Variants in DOCK3 observed in about 807,000 individuals in gnomAD.
DOCK3 encodes the protein dedicator of cytokinesis 3.
In DOCK3, 60 loss-of-function variants were observed where a neutral mutation model predicts 265.6. That is an observed-to-expected ratio of 0.23 (90% confidence interval 0.18 to 0.28). DOCK3 has a LOEUF of 0.28. Among genes scored for constraint, DOCK3 ranks in the 10% least tolerant of loss-of-function variants. The pLI is 1.00. For missense variants in DOCK3, 1,981 were observed against 2,594.3 expected, an observed-to-expected ratio of 0.76 and a Z score of 5.14; for synonymous variants, 881 against 938.0, an observed-to-expected ratio of 0.94 and a Z score of 1.11.
At position 51,218,547 on chromosome 3, in the gene DOCK3, T is replaced by A. The variant is rs567408486; in HGVS notation, c.1252+4300T>A. Among the ~76,000 whole-genome samples the A allele has an allele frequency of 4.6e-5, 7 of 152,306 alleles. No homozygotes were observed. The South Asian group carries it at 1.4e-3, about 32-fold the overall frequency. On this transcript the variant is annotated intron_variant, in intron 14 of 52. Transcript: ENST00000266037. The stretch of plus-strand genomic sequence containing the variant: ...CTACCACTTGCCATGGCTCTCTTTC[T>A]TTGCTTTCCTGGAAAGTCTGTACCC...
intron 5 of DOCK3, among the ~76,000 whole-genome samples, chr3:50,944,041 A>G (rs1393990956): frequency 6.6e-6 from 1 of 152,194 alleles, no homozygotes; most frequent in Non-Finnish European, 1.5e-5. Context: ...GATATGCATA[A>G]TTGATCTCTA....
intron 12 of DOCK3, among the ~76,000 whole-genome samples, chr3:51,161,066 A>T (rs1465988312): frequency 7.2e-6 from 1 of 139,216 alleles, no homozygotes; most frequent in East Asian, 2.1e-4. Flanking sequence ...ACAGAGCGAC[A>T]CTCCGTTTCA....
chr3:50,971,823 C>T (rs1035591165), intron 5 of DOCK3, among the ~76,000 whole-genome samples: 4 of 152,160 alleles, frequency 2.6e-5, no homozygotes, highest in Non-Finnish European at 4.4e-5. Flanking sequence ...ATCTGAACCC[C>T]CATGCTTACT....
chr3:51,018,234 C>T (rs2079435246), intron 5 of DOCK3, among the ~76,000 whole-genome samples: 1 of 151,700 alleles, frequency 6.6e-6, no homozygotes, highest in African/African-American at 2.4e-5. Context: ...TTTTGTCAGC[C>T]TTTTTCATTT....
At chr3:51,104,735 C>A (rs1416265265) in intron 9 of DOCK3, among the ~76,000 whole-genome samples, 1 of 152,126 alleles carries the variant, frequency 6.6e-6, no homozygotes, top group Non-Finnish European at 1.5e-5. Context: ...AAGAGTTGCT[C>A]AGGGTATTGT....
Position 51,338,413 on chromosome 3 carries a change from C to T in DOCK3, c.3666C>T (p.Asn1222=), listed in dbSNP as rs771371248. The change falls in exon 36 of 53, where the codon AAC becomes AAT. Residue 1222 remains asparagine, a synonymous_variant. Transcript: ENST00000266037. The part of the protein sequence containing the change: ...TENKKIGCTV[N]LMNFYKSEIN... ...ATAAGAAGATAGGCTGCACTGTTAA[C>T]CTGATGGTGAGAGGACATGGGCCCT... 1.3e-6 allele frequency: 2 copies of T among 1,551,856 alleles called. No individual in the cohort carries two copies. The highest frequency in any genetic ancestry group is 3.9e-5 in the Admixed American group (2 of 51,008).
intron 9 of DOCK3, among the ~76,000 whole-genome samples, chr3:51,107,982 T>C (rs193057377): frequency 1.2e-4 from 18 of 151,794 alleles, no homozygotes; most frequent in Middle Eastern, 3.4e-3. Flanking sequence ...AAACAAATAG[T>C]GGACCTCTCA....
chr3:50,906,738 T>C (rs990245934), intron 4 of DOCK3, among the ~76,000 whole-genome samples: 2 of 152,124 alleles, frequency 1.3e-5, no homozygotes, highest in African/African-American at 4.8e-5. Flanking sequence ...GAAGGGTTTT[T>C]TTGTATCTCT....
rs1409100010 is a variant in DOCK3, at chr3:51,382,654, C to A, written c.*1095C>A. 6.6e-6 allele frequency: 1 copy of A among 152,528 alleles called. No homozygotes were observed. The highest frequency in any genetic ancestry group is 1.5e-5 in the Non-Finnish European group (1 of 68,068). 9.4% of individuals were successfully genotyped at this position (152,528 alleles called of 1,614,324 possible). A position where few individuals can be genotyped will look rare whatever the true frequency, so the allele number is the denominator to read the frequency against. Reference sequence around the variant, plus strand: ...TAAAGAGGGTGGGAGGGGGCTTCTCCTTTTGGAAGCAGATAGCCATGCAGG... The same window carrying A: ...TAAAGAGGGTGGGAGGGGGCTTCTCATTTTGGAAGCAGATAGCCATGCAGG... On this transcript the variant is annotated 3_prime_UTR_variant, in exon 53 of 53. Transcript: ENST00000266037.
At chr3:51,337,549 A>G (rs963400280) in intron 35 of DOCK3, among the ~76,000 whole-genome samples, 3 of 152,182 alleles carry the variant, frequency 2.0e-5, no homozygotes, top group African/African-American at 4.8e-5. Flanking sequence ...GTGGGCTGCT[A>G]TGGAAGGAGA....
intron 22 of DOCK3, among the ~76,000 whole-genome samples, chr3:51,250,623 GAAAA>G: frequency 6.6e-6 from 1 of 152,144 alleles, no homozygotes; most frequent in Non-Finnish European, 1.5e-5. Context: ...CATCTCAAGA[GAAAA>G]CAAACAAACA....
chr3:50,880,248 A>G (rs2047951594), intron 3 of DOCK3, among the ~76,000 whole-genome samples: 1 of 152,222 alleles, frequency 6.6e-6, no homozygotes, highest in South Asian at 2.1e-4. Context: ...AAACACATTC[A>G]AAAGCTAGCA....
At chr3:51,213,223 A>G (rs997942132) in intron 13 of DOCK3, among the ~76,000 whole-genome samples, 5 of 152,114 alleles carry the variant, frequency 3.3e-5, no homozygotes, top group Admixed American at 6.6e-5. Flanking sequence ...TCCCAAGCTT[A>G]TAGACCAGTG....
chr3:50,882,766 G>T (rs2048114081), intron 3 of DOCK3, among the ~76,000 whole-genome samples: 1 of 152,168 alleles, frequency 6.6e-6, no homozygotes, highest in Non-Finnish European at 1.5e-5. Flanking sequence ...CCCATTACTG[G>T]ACATATACCC....
chr3:51,281,576 C>A (rs180824050), intron 27 of DOCK3, among the ~76,000 whole-genome samples: 33 of 152,012 alleles, frequency 2.2e-4, no homozygotes, highest in Non-Finnish European at 4.0e-4. Context: ...GATGTCAGGT[C>A]ACTTTTTTTT....
At position 51,110,604 on chromosome 3, in the gene DOCK3, G is replaced by A. The variant is rs575778477; in HGVS notation, c.746+20220G>A. On this transcript the variant is annotated intron_variant, in intron 9 of 52. Transcript: ENST00000266037. Reference sequence around the variant, plus strand: ...TAAAAACCCCATGATTATCTCAATAGATGCGGAAAAGGCTTTCAAAAAAAT... The same window carrying A: ...TAAAAACCCCATGATTATCTCAATAAATGCGGAAAAGGCTTTCAAAAAAAT... 4.6e-4 allele frequency among the ~76,000 whole-genome samples: 70 copies of A among 152,270 alleles called. 1 individual carries two copies. Among genetic ancestry groups the A allele is most frequent in the Non-Finnish European group, 7.2e-4 (49 of 68,028 alleles).
In DOCK3 at chr3:51,380,130, T is replaced by G; in HGVS notation, c.5506T>G (p.Tyr1836Asp). ...TGGTTCTGTTCCCTTTGCAGGTCAT[T>G]ACTCCCTACACTTTGACGCCTTCCA... ...PNLSVAEKGH[Y>D]SLHFDAFHHP... Residue 1836 changes from tyrosine to aspartate, a missense_variant, in exon 52 of 53, where the codon TAC becomes GAC. Transcript: ENST00000266037. The G allele has an allele frequency of 6.2e-7, 1 of 1,613,162 alleles. No individual in the cohort carries two copies. Among genetic ancestry groups the G allele is most frequent in the Non-Finnish European group, 8.5e-7 (1 of 1,179,490 alleles).
At chr3:50,907,984 C>T (rs911573398) in intron 4 of DOCK3, among the ~76,000 whole-genome samples, 1 of 151,950 alleles carries the variant, frequency 6.6e-6, no homozygotes, top group African/African-American at 2.4e-5. Flanking sequence ...TTCATTTCTT[C>T]TAGATTTTCT....
chr3:51,367,672 G>A (rs2087323639), intron 49 of DOCK3, among the ~76,000 whole-genome samples: 1 of 152,164 alleles, frequency 6.6e-6, no homozygotes, highest in Non-Finnish European at 1.5e-5. Flanking sequence ...AGGAGCTCTT[G>A]TAAGGTAGGC....
Sources: gnomAD v4.1 joint callset for allele counts (sites outside exome capture counted in the v4.1 genomes callset) on GRCh38, gnomAD v4.1.1 for gene constraint, MANE v1.5 for transcripts, NCBI Gene and HGNC (gene_info 2026-07-23, HGNC 2026-07-21) for gene names.